Variants in DPH6 observed in about 807,000 individuals in gnomAD.
The protein encoded by DPH6 is diphthine--ammonia ligase.
In DPH6, 33 loss-of-function variants were observed where a neutral mutation model predicts 38.2. The ratio of observed to expected loss-of-function variants is 0.86; its 90% confidence interval spans 0.65 to 1.15. The LOEUF is 1.15. Ranked by LOEUF, DPH6 falls within the 50% of genes most tolerant of loss-of-function variation. The pLI, the probability that DPH6 is intolerant of heterozygous loss-of-function variation, is 0.00. For synonymous variants in DPH6, 108 were observed against 103.0 expected (o/e 1.05, Z -0.30); for missense variants, 325 against 320.0 (o/e 1.02, Z -0.12).
At chr15:35,516,833 T>C (rs761495592) in intron 3 of DPH6, among the ~76,000 whole-genome samples, 1 of 152,060 alleles carries the variant, frequency 6.6e-6, no homozygotes, top group Non-Finnish European at 1.5e-5. Flanking sequence ...TCCTAGGAGG[T>C]GTCTGCCTCA....
the DPH6 span, among the ~76,000 whole-genome samples, chr15:35,162,887 T>C: frequency 6.6e-6 from 1 of 151,902 alleles, no homozygotes; most frequent in African/African-American, 2.4e-5. Flanking sequence ...AAATGTGTTC[T>C]CCTTTAAATG....
At chr15:35,285,672 A>G (rs973789715) in intron 3 of DPH6, among the ~76,000 whole-genome samples, 2 of 152,112 alleles carry the variant, frequency 1.3e-5, no homozygotes, top group Non-Finnish European at 2.9e-5. Context: ...AAAATTTTCA[A>G]TGAAAATTAA....
the DPH6 span, among the ~76,000 whole-genome samples, chr15:35,157,248 A>G: frequency 6.6e-6 from 1 of 152,168 alleles, no homozygotes; most frequent in Non-Finnish European, 1.5e-5. Flanking sequence ...AAGAAAATCA[A>G]GTTGTTTCCC....
intron 3 of DPH6, among the ~76,000 whole-genome samples, chr15:35,491,727 A>G (rs1295367991): frequency 1.3e-5 from 2 of 151,038 alleles, no homozygotes; most frequent in African/African-American, 2.4e-5. Flanking sequence ...GTAGATGTAT[A>G]TATCTAGATA....
intron 5 of DPH6, among the ~76,000 whole-genome samples, chr15:35,430,626 A>T (rs1399851217): frequency 1.3e-5 from 2 of 152,128 alleles, no homozygotes; most frequent in Non-Finnish European, 2.9e-5. Context: ...AGACCCTATA[A>T]AGCTGGGCTT....
chr15:35,257,106 A>G lies in DPH6; in HGVS notation n.201-36524T>C, dbSNP rs77806867. ...AAATATAGTGCCATCAATACTGGGC[A>G]TTATAAGTGTCAGTAGTGACATGGG... On this transcript the variant is annotated intron_variant and non_coding_transcript_variant, in intron 3 of 3. Coordinates refer to the DPH6 transcript ENST00000560386. 1.3e-3 allele frequency among the ~76,000 whole-genome samples: 200 copies of G among 152,326 alleles called. 1 individual carries two copies. The highest frequency in any genetic ancestry group is 4.6e-3 in the African/African-American group (191 of 41,578).
intron 3 of DPH6, among the ~76,000 whole-genome samples, chr15:35,473,218 A>G (rs2054219038): frequency 6.6e-6 from 1 of 152,198 alleles, no homozygotes; most frequent in Non-Finnish European, 1.5e-5. Flanking sequence ...AATAAATAGG[A>G]ATTGTCTCAT....
chr15:35,360,772 G>A (rs1398253372), intron 3 of DPH6, among the ~76,000 whole-genome samples: 4 of 151,902 alleles, frequency 2.6e-5, no homozygotes, highest in African/African-American at 9.7e-5. Context: ...ATAGATGGGT[G>A]TGTCTCCCAG....
the DPH6 span, among the ~76,000 whole-genome samples, chr15:35,180,113 G>C: frequency 2.0e-5 from 3 of 151,976 alleles, no homozygotes; most frequent in Non-Finnish European, 2.9e-5. Flanking sequence ...CTTAAATAGA[G>C]AGAGAAGGTG....
chr15:35,156,959 T>G, the DPH6 span, among the ~76,000 whole-genome samples: 1 of 152,104 alleles, frequency 6.6e-6, no homozygotes, highest in Non-Finnish European at 1.5e-5. Flanking sequence ...ATTTTGGAGA[T>G]TTTACAACAT....
At chr15:35,504,437 C>G (rs985209263) in intron 3 of DPH6, among the ~76,000 whole-genome samples, 5 of 151,926 alleles carry the variant, frequency 3.3e-5, no homozygotes, top group African/African-American at 1.2e-4. Context: ...CCTGCTCCAT[C>G]CCCAGGTAAA....
chr15:35,521,183 C>T (rs910770215), intron 3 of DPH6: 3 of 985,294 alleles, frequency 3.0e-6, no homozygotes, highest in Non-Finnish European at 3.6e-6. Context: ...TTGAGTATTG[C>T]TCCCTTAAAT....
chr15:35,305,023 G>C (rs570815852), intron 3 of DPH6, among the ~76,000 whole-genome samples: 3 of 151,956 alleles, frequency 2.0e-5, no homozygotes, highest in Non-Finnish European at 4.4e-5. Flanking sequence ...TGACAGCAAG[G>C]GAGATCTCCT....
intron 3 of DPH6, chr15:35,298,474 G>A: frequency 2.6e-6 from 2 of 770,194 alleles, no homozygotes; most frequent in Non-Finnish European, 4.8e-6. Flanking sequence ...GTTCTTCCTT[G>A]GTTTTAACTT....
chr15:35,465,062 AAATGTTGGCTCACAGAGCCAAC>A (rs2141113546), intron 3 of DPH6, among the ~76,000 whole-genome samples: 1 of 152,350 alleles, frequency 6.6e-6, no homozygotes, highest in East Asian at 1.9e-4. Context: ...CTCAATACTG[AAATGTTGGCTCACAGAGCCAAC>A]AAGGTAAATT....
intron 5 of DPH6, among the ~76,000 whole-genome samples, chr15:35,446,917 G>A (rs2053861592): frequency 6.6e-6 from 1 of 151,280 alleles, no homozygotes; most frequent in African/African-American, 2.4e-5. Context: ...CGCCCAGGCT[G>A]GAGTGCAGTG....
intron 3 of DPH6, among the ~76,000 whole-genome samples, chr15:35,334,926 T>G (rs111267188): frequency 0.37 from 56,296 of 151,934 alleles, 12,337 homozygotes; most frequent in African/African-American, 0.62. Context: ...TCAGTAATGG[T>G]ATTGCTGGGT....
chr15:35,513,777 A>C, intron 3 of DPH6, among the ~76,000 whole-genome samples: 1 of 152,018 alleles, frequency 6.6e-6, no homozygotes, highest in East Asian at 1.9e-4. Flanking sequence ...ACATAATTAA[A>C]GCATATCTTT....
At chr15:35,206,183 C>T in the DPH6 span, among the ~76,000 whole-genome samples, 1 of 151,958 alleles carries the variant, frequency 6.6e-6, no homozygotes. Context: ...AAGTGAAGTC[C>T]TCTGGATTTT....
Sources: allele counts gnomAD v4.1 joint callset (sites outside exome capture counted in the v4.1 genomes callset), GRCh38; gene constraint gnomAD v4.1.1; transcripts MANE v1.5; gene names NCBI Gene and HGNC (gene_info 2026-07-23, HGNC 2026-07-21).